The following ARHGAP10 variants were observed in gnomAD, a reference collection of about 807,000 sequenced individuals.
ARHGAP10 encodes the protein Rho GTPase activating protein 10, also known as rho GTPase-activating protein 10.
Under a neutral mutation model 108.6 loss-of-function variants are expected in ARHGAP10, and 87 were observed. The observed-to-expected ratio is 0.80, with a 90% confidence interval of 0.67 to 0.96. The LOEUF (loss-of-function observed/expected upper bound fraction) is 0.96, where lower values mean the gene tolerates loss of function less well. ARHGAP10 is among the 40% of genes least tolerant of loss of function. ARHGAP10 has a pLI of 0.00. For missense variants in ARHGAP10, 939 were observed against 954.5 expected, an observed-to-expected ratio of 0.98 and a Z score of 0.21; for synonymous variants, 347 against 341.1, an observed-to-expected ratio of 1.02 and a Z score of -0.19.
At position 148,072,367 on chromosome 4, in the gene ARHGAP10, T is replaced by C; in HGVS notation, c.*286T>C. ...ATTTTTAATTATCCAGCATATAGAA[T>C]GAGAGGGAGGGCAGCCTTCTGCCAC... On this transcript the variant is annotated 3_prime_UTR_variant, in exon 23 of 23. Transcript: ENST00000336498. 1 of 356,524 alleles carries C rather than the reference T, an allele frequency of 2.8e-6. No homozygotes were observed. The highest frequency in any genetic ancestry group is 4.6e-5 in the East Asian group (1 of 21,568). The allele number at this position is 356,524 out of a possible 1,614,324, so 22.1% of individuals were successfully genotyped here. A position where few individuals can be genotyped will look rare whatever the true frequency, so the allele number is the denominator to read the frequency against.
intron 18 of ARHGAP10, among the ~76,000 whole-genome samples, chr4:148,011,940 G>A (rs760896380): frequency 7.9e-5 from 12 of 152,148 alleles, no homozygotes; most frequent in Admixed American, 2.0e-4. Context: ...GTAACTAAAC[G>A]CGTAAGAATA....
chr4:147,908,239 A>G (rs925775111), intron 11 of ARHGAP10, among the ~76,000 whole-genome samples: 29 of 152,218 alleles, frequency 1.9e-4, no homozygotes, highest in Non-Finnish European at 3.4e-4. Context: ...AAAACAGGTT[A>G]TACTAGTCTT....
intron 3 of ARHGAP10, among the ~76,000 whole-genome samples, chr4:147,826,182 A>G (rs1256476931): frequency 6.6e-6 from 1 of 152,178 alleles, no homozygotes; most frequent in African/African-American, 2.4e-5. Flanking sequence ...GACCATTGTT[A>G]GGCTCAGTAT....
At chr4:147,964,367 C>T (rs1560848534) in intron 16 of ARHGAP10, among the ~76,000 whole-genome samples, 1 of 152,176 alleles carries the variant, frequency 6.6e-6, no homozygotes, top group African/African-American at 2.4e-5. Context: ...AGGCTTTGCC[C>T]GCATTCCCCG....
chr4:147,983,503 CT>C (rs577734640), intron 18 of ARHGAP10, among the ~76,000 whole-genome samples: 4,159 of 142,224 alleles, frequency 0.029, 86 homozygotes, highest in Non-Finnish European at 0.045. Flanking sequence ...TTTTAAAATT[CT>C]TTTTTTTTTT....
At chr4:147,995,532 T>C (rs1740439571) in intron 18 of ARHGAP10, among the ~76,000 whole-genome samples, 1 of 152,254 alleles carries the variant, frequency 6.6e-6, no homozygotes, top group Non-Finnish European at 1.5e-5. Context: ...TTATTTCTTG[T>C]CTACTTATTA....
chr4:147,784,497 A>T (rs1202839788), intron 1 of ARHGAP10, among the ~76,000 whole-genome samples: 3 of 109,304 alleles, frequency 2.7e-5, no homozygotes, highest in Non-Finnish European at 5.1e-5. Context: ...TTTAATTTAT[A>T]TATAATATAT....
At chr4:147,877,674 A>T (rs1735129007) in intron 8 of ARHGAP10, among the ~76,000 whole-genome samples, 1 of 152,182 alleles carries the variant, frequency 6.6e-6, no homozygotes, top group East Asian at 1.9e-4. Context: ...CAGATGCTAG[A>T]GGTCCCTCTG....
chr4:147,858,959 A>C (rs1262661664), intron 5 of ARHGAP10, among the ~76,000 whole-genome samples: 1 of 152,184 alleles, frequency 6.6e-6, no homozygotes, highest in African/African-American at 2.4e-5. Context: ...TAGTTCCAGA[A>C]TATAATCAGA....
chr4:147,966,860 A>T (rs1483415228), intron 18 of ARHGAP10, 21 bp downstream of exon 18: 2 of 1,543,346 alleles, frequency 1.3e-6, no homozygotes, highest in South Asian at 2.5e-5. Flanking sequence ...TTTTTTCTTT[A>T]AGAGACTTTG....
At chr4:147,777,158 T>C (rs545055352) in intron 1 of ARHGAP10, among the ~76,000 whole-genome samples, 58 of 152,316 alleles carry the variant, frequency 3.8e-4, no homozygotes, top group Non-Finnish European at 6.0e-4. Flanking sequence ...GTTTCAGCTA[T>C]GTATCTCTGG....
Position 148,050,365 on chromosome 4 carries a change from CTTTTTTTTTTTTT to C in ARHGAP10, c.2027+3328_2027+3340del, listed in dbSNP as rs11309245. Among the ~76,000 whole-genome samples, 7 of 59,306 alleles carry C rather than the reference CTTTTTTTTTTTTT, an allele frequency of 1.2e-4. No individual in the cohort carries two copies. In the South Asian group the frequency reaches 3.6e-3, roughly 31 times the overall value. The allele number at this position is 59,306 out of a possible 152,430, so 38.9% of individuals were successfully genotyped here. On this transcript the variant is annotated intron_variant, in intron 20 of 22. Coordinates refer to ENST00000336498, the MANE Select transcript of ARHGAP10 (RefSeq NM_024605.4). ...CATTTGGTTTCTTACTCATCATCAT[CTTTTTTTTTTTTT>C]TTTTTTTTTTTTTAAGATGTAGTCT...
chr4:148,001,511 G>T (rs1392940551), intron 18 of ARHGAP10, among the ~76,000 whole-genome samples: 1 of 152,082 alleles, frequency 6.6e-6, no homozygotes, highest in Non-Finnish European at 1.5e-5. Flanking sequence ...GGGTGGTATG[G>T]CCATTTTCAC....
At chr4:147,782,775 C>T (rs1330542104) in intron 1 of ARHGAP10, 1 of 150,388 alleles carries the variant, frequency 6.6e-6, no homozygotes, top group Non-Finnish European at 1.5e-5. Context: ...TAAAGACTTC[C>T]TGGTTAGTTT....
intron 7 of ARHGAP10, among the ~76,000 whole-genome samples, chr4:147,870,848 TG>T (rs1191781303): frequency 6.6e-6 from 1 of 151,806 alleles, no homozygotes; most frequent in East Asian, 1.9e-4. Flanking sequence ...ATAACAAGAA[TG>T]GGTAGGAAGT....
intron 1 of ARHGAP10, among the ~76,000 whole-genome samples, chr4:147,780,894 T>A (rs1452428251): frequency 6.6e-6 from 1 of 152,102 alleles, no homozygotes; most frequent in Non-Finnish European, 1.5e-5. Context: ...ACTAGGCTGG[T>A]ATCATCAATT....
At position 147,879,310 on chromosome 4, in the gene ARHGAP10, C is replaced by T; in HGVS notation, c.911C>T (p.Pro304Leu). The T allele has an allele frequency of 6.2e-7, 1 of 1,613,876 alleles. No homozygotes were observed. The highest frequency in any genetic ancestry group is 1.1e-5 in the South Asian group (1 of 91,066). ...RKAAKKFNMI[P>L]FEHRSGGKLG... ...GCAGCAAAGAAGTTCAACATGATCCCATTTGAGCACAGATCTGGAGGGAAA... is the reference window on the plus strand; with the variant it reads ...GCAGCAAAGAAGTTCAACATGATCCTATTTGAGCACAGATCTGGAGGGAAA... The change falls in exon 9 of 23, where the codon CCA (proline) becomes CTA (leucine). Residue 304 changes from proline (P) to leucine (L), a missense_variant. Transcript: ENST00000336498.
chr4:147,812,543 TC>T (rs1485282396), intron 1 of ARHGAP10, among the ~76,000 whole-genome samples: 3 of 152,210 alleles, frequency 2.0e-5, no homozygotes, highest in Non-Finnish European at 2.9e-5. Flanking sequence ...CTTCCAGTCT[TC>T]CTGGGAACTG....
chr4:147,812,596 C>G (rs1222764614), intron 1 of ARHGAP10, among the ~76,000 whole-genome samples: 1 of 152,180 alleles, frequency 6.6e-6, no homozygotes, highest in Non-Finnish European at 1.5e-5. Flanking sequence ...TTCCCCACCT[C>G]TGCTTCTTTC....
Sources: gnomAD v4.1 joint callset for allele counts (sites outside exome capture counted in the v4.1 genomes callset) on GRCh38, gnomAD v4.1.1 for gene constraint, MANE v1.5 for transcripts, NCBI Gene and HGNC (gene_info 2026-07-23, HGNC 2026-07-21) for gene names.